The following KCNH1 variants were observed in gnomAD, a reference collection of about 807,000 sequenced individuals.
The protein encoded by KCNH1 is potassium voltage-gated channel subfamily H member 1.
In KCNH1, 27 loss-of-function variants were observed where a neutral mutation model predicts 69.2. The ratio of observed to expected loss-of-function variants is 0.39; its 90% CI spans 0.29 to 0.54. KCNH1 has a LOEUF of 0.54. KCNH1 is among the 20% of genes least tolerant of loss of function. KCNH1 has a pLI of 0.68. For missense variants in KCNH1, 798 were observed against 1,261.6 expected, an observed-to-expected ratio of 0.63 and a Z score of 5.57; for synonymous variants, 456 against 487.7, an observed-to-expected ratio of 0.93 and a Z score of 0.86.
intron 6 of KCNH1, among the ~76,000 whole-genome samples, chr1:210,978,870 T>C (rs1259530278): frequency 2.0e-5 from 3 of 152,168 alleles, no homozygotes; most frequent in African/African-American, 7.2e-5. Context: ...GTCCAAGCTG[T>C]TTTACGTCTG....
intron 6 of KCNH1, among the ~76,000 whole-genome samples, chr1:211,016,370 T>C (rs1052791661): frequency 6.6e-6 from 1 of 152,210 alleles, no homozygotes; most frequent in African/African-American, 2.4e-5. Context: ...TAAGAATCTG[T>C]GGAAGCTGGA....
At chr1:210,951,523 G>GT (rs1688061807) in intron 6 of KCNH1, among the ~76,000 whole-genome samples, 1 of 152,104 alleles carries the variant, frequency 6.6e-6, no homozygotes, top group South Asian at 2.1e-4. Context: ...CAGTTTGTCG[G>GT]TTTGAGTTTA....
chr1:210,821,746 A>C (rs534341789), intron 7 of KCNH1, among the ~76,000 whole-genome samples: 1 of 152,138 alleles, frequency 6.6e-6, no homozygotes, highest in Non-Finnish European at 1.5e-5. Context: ...ACGACTATTT[A>C]ATTTGAAATG....
intron 5 of KCNH1, among the ~76,000 whole-genome samples, chr1:211,031,706 A>T (rs1028994029): frequency 2.0e-5 from 3 of 152,232 alleles, no homozygotes; most frequent in Admixed American, 1.3e-4. Flanking sequence ...AACAAAATTC[A>T]ACAACCCTTC....
At chr1:211,011,691 G>A (rs996624540) in intron 6 of KCNH1, among the ~76,000 whole-genome samples, 18 of 152,216 alleles carry the variant, frequency 1.2e-4, no homozygotes, top group African/African-American at 4.1e-4. Context: ...TCGACTTCCT[G>A]CTGTTAGAAA....
At chr1:211,033,622 G>A (rs940434647) in intron 5 of KCNH1, among the ~76,000 whole-genome samples, 3 of 152,150 alleles carry the variant, frequency 2.0e-5, no homozygotes, top group Non-Finnish European at 4.4e-5. Context: ...TAGGGAAATG[G>A]ATGAAACTGG....
intron 8 of KCNH1, among the ~76,000 whole-genome samples, chr1:210,803,486 TA>T (rs753748061): frequency 6.6e-6 from 1 of 152,194 alleles, no homozygotes; most frequent in South Asian, 2.1e-4. Flanking sequence ...AAGGGAATGC[TA>T]AAAAAGTCAG....
At chr1:210,742,628 T>C (rs1001033694) in intron 10 of KCNH1, among the ~76,000 whole-genome samples, 1 of 152,176 alleles carries the variant, frequency 6.6e-6, no homozygotes, top group African/African-American at 2.4e-5. Flanking sequence ...CAGAAAAGAA[T>C]GATAAATTCA....
chr1:210,784,993 A>G (rs1684067162), intron 9 of KCNH1, among the ~76,000 whole-genome samples: 1 of 152,206 alleles, frequency 6.6e-6, no homozygotes, highest in South Asian at 2.1e-4. Context: ...ATCATGGATC[A>G]GGCAGAATTC....
chr1:211,000,830 A>G (rs578009047), intron 6 of KCNH1, among the ~76,000 whole-genome samples: 10 of 152,342 alleles, frequency 6.6e-5, no homozygotes, highest in African/African-American at 2.4e-4. Flanking sequence ...GATCAATGGA[A>G]CAGAACAGAG....
At chr1:210,945,081 T>G (rs1347335718) in intron 6 of KCNH1, among the ~76,000 whole-genome samples, 1 of 152,216 alleles carries the variant, frequency 6.6e-6, no homozygotes, top group Non-Finnish European at 1.5e-5. Context: ...TTATAGCATG[T>G]GTCAGAATTT....
rs138826272 is a variant in KCNH1, at chr1:210,878,767, G to T, written c.1462+40873C>A. On this transcript the variant is annotated intron_variant, in intron 7 of 10. Coordinates refer to ENST00000271751, the MANE Select transcript of KCNH1 (RefSeq NM_172362.3). The stretch of plus-strand genomic sequence containing the variant: ...AATTAAATGCAAAGTAAGCAGAAAA[G>T]AAAAGAAATTATAAAAAGTAGAGCA... 1.9e-3 allele frequency among the ~76,000 whole-genome samples: 289 copies of T among 151,826 alleles called. 1 individual carries two copies. The highest frequency in any genetic ancestry group is 6.5e-3 in the African/African-American group (268 of 41,470).
intron 10 of KCNH1, among the ~76,000 whole-genome samples, chr1:210,751,083 G>A (rs1215724376): frequency 1.4e-4 from 22 of 152,212 alleles, no homozygotes; most frequent in Non-Finnish European, 8.8e-5. Context: ...GCTTTCTGGA[G>A]GAGGCATCTT....
chr1:210,758,148 T>C (rs1037073470), intron 10 of KCNH1, among the ~76,000 whole-genome samples: 1 of 152,230 alleles, frequency 6.6e-6, no homozygotes, highest in Non-Finnish European at 1.5e-5. Flanking sequence ...CCTGCTCTAG[T>C]CACAAGTCCA....
At chr1:211,010,293 G>A (rs924974116) in intron 6 of KCNH1, among the ~76,000 whole-genome samples, 4 of 152,210 alleles carry the variant, frequency 2.6e-5, no homozygotes, top group African/African-American at 7.2e-5. Context: ...GGAATGGGAG[G>A]AGGGAAAGCA....
At chr1:211,123,501 C>A (rs554550833) in intron 1 of KCNH1, among the ~76,000 whole-genome samples, 1 of 152,048 alleles carries the variant, frequency 6.6e-6, no homozygotes, top group African/African-American at 2.4e-5. Flanking sequence ...GAGGCAGAGA[C>A]AGCAGAGACA....
intron 4 of KCNH1, among the ~76,000 whole-genome samples, chr1:211,087,745 G>A (rs776934445): frequency 6.6e-6 from 1 of 152,054 alleles, no homozygotes; most frequent in Non-Finnish European, 1.5e-5. Flanking sequence ...ATTTGTCAGA[G>A]AGTAAGAGAA....
At chr1:210,904,997 C>A (rs1167442969) in intron 7 of KCNH1, among the ~76,000 whole-genome samples, 3 of 152,128 alleles carry the variant, frequency 2.0e-5, no homozygotes. Flanking sequence ...AGAAGGTTTA[C>A]CATCTTGACC....
chr1:210,972,032 G>A (rs1453154824), intron 6 of KCNH1, among the ~76,000 whole-genome samples: 1 of 152,084 alleles, frequency 6.6e-6, no homozygotes, highest in East Asian at 1.9e-4. Context: ...AATCCACTCA[G>A]ATGCAAATGC....
Sources: gnomAD v4.1 joint callset for allele counts (sites outside exome capture counted in the v4.1 genomes callset) on GRCh38, gnomAD v4.1.1 for gene constraint, MANE v1.5 for transcripts, NCBI Gene and HGNC (gene_info 2026-07-23, HGNC 2026-07-21) for gene names.